ORC3: variants seen among roughly 807,000 people sequenced by gnomAD.
ORC3 encodes origin recognition complex subunit 3.
In ORC3, 78 loss-of-function variants were observed where a neutral mutation model predicts 100.7. The observed-to-expected ratio is 0.77, with a 90% CI of 0.65 to 0.94. ORC3 has a LOEUF of 0.94. Ranked by LOEUF, ORC3 falls within the 40% of genes least tolerant of loss-of-function variation. The pLI is 0.00. For missense variants in ORC3, 789 were observed against 823.9 expected (o/e 0.96, Z 0.52); for synonymous variants, 295 against 289.3 (o/e 1.02, Z -0.20).
chr6:87,664,010 C>A (rs1281242417), intron 17 of ORC3, among the ~76,000 whole-genome samples: 2 of 151,986 alleles, frequency 1.3e-5, no homozygotes, highest in African/African-American at 2.4e-5. Flanking sequence ...ATGGTGAAAA[C>A]CACTGAATAA....
intron 11 of ORC3, among the ~76,000 whole-genome samples, chr6:87,622,623 T>A (rs28381507): frequency 6.6e-6 from 1 of 151,702 alleles, no homozygotes; most frequent in South Asian, 2.1e-4. Context: ...TAGTATATAA[T>A]ATACAGTGAA....
chr6:87,636,572 A>G (rs963945669), intron 13 of ORC3, 86 bp downstream of exon 13: 21 of 779,546 alleles, frequency 2.7e-5, no homozygotes, highest in Non-Finnish European at 4.7e-5. Context: ...CCTGCCTGCC[A>G]AAAAGTTTCA....
chr6:87,665,485 C>T (rs1770521891), intron 18 of ORC3, among the ~76,000 whole-genome samples: 1 of 152,108 alleles, frequency 6.6e-6, no homozygotes, highest in Non-Finnish European at 1.5e-5. Context: ...GTAGAGGAAA[C>T]AGGGCTTTCT....
chr6:87,637,729 C>G (rs1196327265), intron 13 of ORC3, among the ~76,000 whole-genome samples: 1 of 152,114 alleles, frequency 6.6e-6, no homozygotes, highest in Non-Finnish European at 1.5e-5. Context: ...CTGAACCTCC[C>G]AACACCAGTT....
chr6:87,649,518 C>T lies in ORC3; in HGVS notation c.1383-3598C>T, dbSNP rs929548889. On this transcript the variant is annotated intron_variant, in intron 13 of 19. Transcript: ENST00000392844. Reference sequence around the variant, plus strand: ...ATCCCAGCACTTTGAGAGGCCGAGGCGGGCAGATCACCTGAGGTTAGGAGT... The same window carrying T: ...ATCCCAGCACTTTGAGAGGCCGAGGTGGGCAGATCACCTGAGGTTAGGAGT... 3.9e-5 allele frequency among the ~76,000 whole-genome samples: 6 copies of T among 152,282 alleles called. No individual in the cohort carries two copies. The East Asian group carries it at 7.7e-4, about 20-fold the overall frequency.
intron 12 of ORC3, 102 bp downstream of exon 12, chr6:87,635,063 A>G: frequency 1.3e-6 from 1 of 764,646 alleles, no homozygotes; most frequent in Non-Finnish European, 2.4e-6. Context: ...AAATGAAGCC[A>G]ATCCTTACAA....
chr6:87,595,631 G>A (rs1777375801), intron 2 of ORC3, among the ~76,000 whole-genome samples: 1 of 151,954 alleles, frequency 6.6e-6, no homozygotes, highest in Middle Eastern at 3.2e-3. Flanking sequence ...ATCATCTCTC[G>A]GAAGCACCAG....
At chr6:87,593,698 A>G (rs1777212242) in intron 1 of ORC3, among the ~76,000 whole-genome samples, 1 of 152,100 alleles carries the variant, frequency 6.6e-6, no homozygotes, top group Non-Finnish European at 1.5e-5. Flanking sequence ...CTTCATTTTT[A>G]TTTATTTATT....
intron 2 of ORC3, among the ~76,000 whole-genome samples, chr6:87,597,824 G>C (rs1023025335): frequency 2.0e-5 from 3 of 151,966 alleles, no homozygotes; most frequent in Non-Finnish European, 4.4e-5. Context: ...AAAGTGCTGG[G>C]ATTACAGGCG....
At chr6:87,674,302 C>CAAAAAAAA in the ORC3 span, among the ~76,000 whole-genome samples, 1 of 87,154 alleles carries the variant, frequency 1.1e-5, no homozygotes, top group African/African-American at 4.4e-5. Context: ...AACTCTATCT[C>CAAAAAAAA]AAAAAAAAAA....
intron 16 of ORC3, among the ~76,000 whole-genome samples, chr6:87,659,772 C>G (rs1770040575): frequency 6.6e-6 from 1 of 151,920 alleles, no homozygotes; most frequent in African/African-American, 2.4e-5. Context: ...ATCCTAGCTA[C>G]TTGGGAGGCT....
At chr6:87,619,462 A>G (rs1301144081) in intron 9 of ORC3, among the ~76,000 whole-genome samples, 1 of 152,168 alleles carries the variant, frequency 6.6e-6, no homozygotes, top group Admixed American at 6.5e-5. Flanking sequence ...GCTGGAGTGC[A>G]GTGGCATAAT....
At chr6:87,674,773 AG>A in the ORC3 span, among the ~76,000 whole-genome samples, 1 of 151,378 alleles carries the variant, frequency 6.6e-6, no homozygotes, top group Admixed American at 6.6e-5. Context: ...CGCGCCCAGC[AG>A]AAGAAGGCAT....
At position 87,605,983 on chromosome 6, in the gene ORC3, C is replaced by T; in HGVS notation, c.389C>T (p.Thr130Ile). The change falls in exon 5 of 20, where the codon ACA becomes ATA. Residue 130 changes from threonine to isoleucine, a missense_variant. By Grantham distance (89) the Thr-to-Ile change is moderately conservative (BLOSUM62 -1). Around this residue, in one of 3 missense-constraint regions of ORC3, gnomAD observed 399 missense variants for 382.0 expected, o/e 1.04. Coordinates refer to ENST00000392844, the MANE Select transcript of ORC3 (RefSeq NM_012381.4). ...ACAGAGGCCCTTCAGAATAATGTCA[C>T]ACCATATGTAGTCTCATTGCAAGCT... Reference protein sequence around the residue: ...SLTEALQNNVTPYVVSLQAKD... With the variant: ...SLTEALQNNVIPYVVSLQAKD... 3 of 1,607,252 alleles carry T rather than the reference C, an allele frequency of 1.9e-6. No individual in the cohort carries two copies. Among genetic ancestry groups the T allele is most frequent in the Middle Eastern group, 1.7e-4 (1 of 6,044 alleles).
At chr6:87,630,849 A>T (rs546665392) in intron 11 of ORC3, among the ~76,000 whole-genome samples, 1 of 152,144 alleles carries the variant, frequency 6.6e-6, no homozygotes, top group Admixed American at 6.5e-5. Flanking sequence ...AAGAAGAGCA[A>T]GGAGGCTGTT....
rs1425876598 is a variant in ORC3 at position 87,612,139 on chromosome 6, C to A, written c.764C>A (p.Ser255Tyr). Reference protein sequence around the residue: ...PLILIFGIATSPIIIHRLLPH... With the variant: ...PLILIFGIATYPIIIHRLLPH... The stretch of plus-strand genomic sequence containing the variant: ...ATACTCATTTTTGGAATAGCCACAT[C>A]TCCTATTATCATCCACCGATTGCTT... Residue 255 changes from serine to tyrosine, a missense_variant, in exon 8 of 20, where the codon TCT (serine) becomes TAT (tyrosine). Physicochemically the swap from Ser to Tyr is moderately radical, Grantham distance 144. Around this residue, in one of 3 missense-constraint regions of ORC3, gnomAD observed 399 missense variants for 382.0 expected, o/e 1.04. Coordinates refer to ENST00000392844, the MANE Select transcript of ORC3 (RefSeq NM_012381.4). The A allele has an allele frequency of 6.2e-7, 1 of 1,613,582 alleles. No individual in the cohort carries two copies. Among genetic ancestry groups the A allele is most frequent in the Admixed American group, 1.7e-5 (1 of 59,998 alleles).
At chr6:87,593,898 T>A (rs958088716) in intron 1 of ORC3, among the ~76,000 whole-genome samples, 1 of 152,222 alleles carries the variant, frequency 6.6e-6, no homozygotes, top group East Asian at 1.9e-4. Flanking sequence ...GATTTCACCA[T>A]GTTGGCCAGG....
chr6:87,658,054 AT>A (rs1368206917), intron 16 of ORC3, 36 bp downstream of exon 16: 1 of 1,143,562 alleles, frequency 8.7e-7, no homozygotes, highest in Non-Finnish European at 1.3e-6. Flanking sequence ...GCTAAAAATC[AT>A]GCTGTTTTTC....
intron 13 of ORC3, among the ~76,000 whole-genome samples, chr6:87,644,561 C>A (rs1235175914): frequency 1.3e-5 from 2 of 151,998 alleles, no homozygotes; most frequent in African/African-American, 4.8e-5. Flanking sequence ...ATTAGCCGGG[C>A]GTGGTGGCAC....
Sources: gnomAD v4.1 joint callset for allele counts (sites outside exome capture counted in the v4.1 genomes callset) on GRCh38, gnomAD v4.1.1 for gene constraint, gnomAD v4.1.1 regional missense constraint, MANE v1.5 for transcripts, NCBI Gene and HGNC (gene_info 2026-07-23, HGNC 2026-07-21) for gene names.